The following CEP112 variants were observed in gnomAD, a reference collection of about 807,000 sequenced individuals.
The protein encoded by CEP112 is centrosomal protein of 112 kDa.
In CEP112, 127 loss-of-function variants were observed where a neutral mutation model predicts 153.0. The observed-to-expected ratio is 0.83, with a 90% CI of 0.72 to 0.96. CEP112 has a LOEUF of 0.96. Among genes scored for constraint, CEP112 ranks in the 40% least tolerant of loss-of-function variants. CEP112 has a pLI of 0.00. For missense variants in CEP112, 1,089 were observed against 1,101.2 expected (o/e 0.99, Z 0.16); for synonymous variants, 358 against 374.4 (o/e 0.96, Z 0.51).
At position 66,114,931 on chromosome 17, in the gene CEP112, G is replaced by A. The variant is rs375915901; in HGVS notation, c.642+14815C>T. On this transcript the variant is annotated intron_variant, in intron 6 of 26. Coordinates refer to ENST00000535342, the MANE Select transcript of CEP112 (RefSeq NM_001199165.4). ...AAAAAAAAAAATTGCCTGGCCAGGC[G>A]CAGTGGCTCATGCCTGTCATCCCAA... Among the ~76,000 whole-genome samples, 71 of 151,952 alleles carry A rather than the reference G, an allele frequency of 4.7e-4. No homozygotes were observed. In the East Asian group the frequency reaches 5.2e-3, roughly 11 times the overall value.
chr17:65,785,480 G>A (rs909069028), intron 21 of CEP112, among the ~76,000 whole-genome samples: 5 of 152,236 alleles, frequency 3.3e-5, no homozygotes, highest in African/African-American at 7.2e-5. Context: ...CAAAACTTTC[G>A]TCTGTCTTGT....
At chr17:66,133,985 A>T (rs1407103158) in intron 4 of CEP112, among the ~76,000 whole-genome samples, 1 of 152,170 alleles carries the variant, frequency 6.6e-6, no homozygotes, top group East Asian at 1.9e-4. Flanking sequence ...GTTAAAATCA[A>T]ATGAGAAAAA....
intron 12 of CEP112, among the ~76,000 whole-genome samples, chr17:66,047,415 C>A (rs1217503912): frequency 6.6e-6 from 1 of 152,206 alleles, no homozygotes; most frequent in African/African-American, 2.4e-5. Context: ...CTGCACCCAG[C>A]CTGTTTTTAA....
intron 21 of CEP112, among the ~76,000 whole-genome samples, chr17:65,753,250 T>C (rs1040551516): frequency 6.6e-6 from 1 of 152,176 alleles, no homozygotes; most frequent in African/African-American, 2.4e-5. Flanking sequence ...TTAACCTGTC[T>C]TTTTCCCACT....
At chr17:66,086,608 A>G (rs7217009) in intron 8 of CEP112, among the ~76,000 whole-genome samples, 151,356 of 151,604 alleles carry the variant, frequency 1, 75,555 homozygotes, top group Middle Eastern at 1. Flanking sequence ...GGGTTTCACC[A>G]TTTTAGCCAG....
chr17:66,188,433 C>T (rs925929265), intron 1 of CEP112, among the ~76,000 whole-genome samples: 13 of 149,074 alleles, frequency 8.7e-5, no homozygotes, highest in Admixed American at 3.4e-4. Flanking sequence ...CTAATCCCAC[C>T]CCCTTTTCAT....
At chr17:66,151,057 T>C (rs955781329) in intron 4 of CEP112, among the ~76,000 whole-genome samples, 2 of 152,212 alleles carry the variant, frequency 1.3e-5, no homozygotes, top group Non-Finnish European at 2.9e-5. Context: ...TGCATCCTTT[T>C]ACTTTCAAGC....
chr17:65,661,405 T>A (rs1430287270), intron 24 of CEP112, among the ~76,000 whole-genome samples: 1 of 152,252 alleles, frequency 6.6e-6, no homozygotes, highest in Non-Finnish European at 1.5e-5. Flanking sequence ...TTTAATCTTC[T>A]ACGAATGCTA....
chr17:66,036,770 T>TA (rs2065758526), intron 12 of CEP112, among the ~76,000 whole-genome samples: 1 of 152,192 alleles, frequency 6.6e-6, no homozygotes, highest in Non-Finnish European at 1.5e-5. Context: ...AGGACTTTGA[T>TA]ATTCTGCTCA....
At chr17:65,734,453 AGTT>A (rs1320424670) in intron 23 of CEP112, among the ~76,000 whole-genome samples, 1 of 152,220 alleles carries the variant, frequency 6.6e-6, no homozygotes, top group Non-Finnish European at 1.5e-5. Flanking sequence ...ACATCTACTG[AGTT>A]TATCATATTA....
intron 21 of CEP112, among the ~76,000 whole-genome samples, chr17:65,820,715 T>C (rs1010453011): frequency 9.2e-5 from 14 of 152,110 alleles, no homozygotes; most frequent in African/African-American, 2.4e-4. Context: ...CATAAGGTAG[T>C]TGGGGTTGAA....
intron 22 of CEP112, among the ~76,000 whole-genome samples, chr17:65,746,910 G>T (rs1304068460): frequency 6.6e-6 from 1 of 152,104 alleles, no homozygotes; most frequent in Non-Finnish European, 1.5e-5. Flanking sequence ...GCAGATTAGA[G>T]AATTTTCATA....
At chr17:65,945,055 T>TAC (rs1021672749) in intron 18 of CEP112, among the ~76,000 whole-genome samples, 2 of 152,230 alleles carry the variant, frequency 1.3e-5, no homozygotes, top group Admixed American at 1.3e-4. Flanking sequence ...CAGAAGTCAT[T>TAC]ACCTCTCCAT....
intron 21 of CEP112, among the ~76,000 whole-genome samples, chr17:65,849,213 T>C (rs2057835060): frequency 6.6e-6 from 1 of 152,204 alleles, no homozygotes; most frequent in South Asian, 2.1e-4. Context: ...TAGAATGCCA[T>C]CCAACATATC....
At chr17:66,067,410 T>C (rs1017641417) in intron 9 of CEP112, among the ~76,000 whole-genome samples, 1 of 152,254 alleles carries the variant, frequency 6.6e-6, no homozygotes, top group African/African-American at 2.4e-5. Flanking sequence ...TAAAAATAGC[T>C]GAAATTGTAT....
chr17:65,996,128 A>ATG (rs2063780977), intron 17 of CEP112, among the ~76,000 whole-genome samples: 2 of 91,678 alleles, frequency 2.2e-5, no homozygotes, highest in African/African-American at 8.3e-5. Context: ...GGAAAAATAT[A>ATG]CGTGTGTGTG....
chr17:66,095,661 A>G (rs1255862772), intron 8 of CEP112, among the ~76,000 whole-genome samples: 1 of 152,248 alleles, frequency 6.6e-6, no homozygotes, highest in Non-Finnish European at 1.5e-5. Flanking sequence ...AGTACATTTT[A>G]AGTATTCTCA....
At chr17:66,074,817 C>T (rs2067426547) in intron 8 of CEP112, among the ~76,000 whole-genome samples, 1 of 135,574 alleles carries the variant, frequency 7.4e-6, no homozygotes. Context: ...GAGCCAAGAT[C>T]GTGCCACTGC....
chr17:65,963,330 GGAGAA>G (rs1176645366), intron 17 of CEP112, among the ~76,000 whole-genome samples: 1 of 152,090 alleles, frequency 6.6e-6, no homozygotes, highest in Non-Finnish European at 1.5e-5. Flanking sequence ...ATCATAAAGG[GGAGAA>G]AAGACATTTC....
Sources: gnomAD v4.1 joint callset for allele counts (sites outside exome capture counted in the v4.1 genomes callset) on GRCh38, gnomAD v4.1.1 for gene constraint, MANE v1.5 for transcripts, NCBI Gene and HGNC (gene_info 2026-07-23, HGNC 2026-07-21) for gene names.